Variants in PCDHGA7 observed in about 807,000 individuals in gnomAD.
PCDHGA7 encodes the protein protocadherin gamma subfamily A, 7.
In PCDHGA7, 44 loss-of-function variants were observed where a neutral mutation model predicts 58.3. That is an observed-to-expected ratio of 0.75 (90% CI 0.59 to 0.97). The LOEUF (loss-of-function observed/expected upper bound fraction) is 0.97. Ranked by LOEUF, PCDHGA7 falls within the 50% of genes least tolerant of loss-of-function variation. PCDHGA7 has a pLI of 0.00. For missense variants in PCDHGA7, 1,266 were observed against 1,188.7 expected (o/e 1.06, Z -0.96); for synonymous variants, 516 against 504.2 (o/e 1.02, Z -0.31).
intron 2 of PCDHGA7, 37 bp downstream of exon 2, chr5:141,494,902 C>T (rs2099757367): frequency 1.9e-6 from 3 of 1,614,024 alleles, no homozygotes; most frequent in Non-Finnish European, 2.5e-6. Flanking sequence ...CTCTTCTCTG[C>T]GGCATTTTCT....
chr5:141,487,643 C>T lies in PCDHGA7; in HGVS notation c.2425-7164C>T. 1.2e-6 allele frequency: 2 copies of T among 1,614,104 alleles called. No homozygotes were observed. The highest frequency in any genetic ancestry group is 1.7e-6 in the Non-Finnish European group (2 of 1,179,986). Reference sequence around the variant, plus strand: ...GAGACCTTTGCAGGCTCAACAAATGCTTGAGGGTTATTCTGATCCAGGCAT... The same window carrying T: ...GAGACCTTTGCAGGCTCAACAAATGTTTGAGGGTTATTCTGATCCAGGCAT... On this transcript the variant is annotated intron_variant, in intron 1 of 3. Transcript: ENST00000518325. The surrounding 1 kb of genome is among the most constrained non-coding windows in gnomAD (Gnocchi z 5.0).
chr5:141,385,316 G>T lies in PCDHGA7; in HGVS notation c.2417G>T (p.Ser806Ile). 2 of 1,610,350 alleles carry T rather than the reference G, an allele frequency of 1.2e-6. No homozygotes were observed. Among genetic ancestry groups the T allele is most frequent in the Non-Finnish European group, 1.7e-6 (2 of 1,177,750 alleles). Residue 806 changes from serine (S) to isoleucine (I), a missense_variant, in exon 1 of 4, where the codon AGT becomes ATT. Coordinates refer to ENST00000518325, the MANE Select transcript of PCDHGA7 (RefSeq NM_018920.4). ...CAGGAATGTAAAGAAAACCTGCCAA[G>T]TATTCAGGTGAGCCCAGCCCTTCCT... is the stretch of plus-strand genomic sequence containing the variant. Reference protein sequence around the residue: ...DFQECKENLPSIQQAPPNTDW... With the variant: ...DFQECKENLPIIQQAPPNTDW...
chr5:141,420,336 T>C, intron 1 of PCDHGA7: 1 of 1,399,186 alleles, frequency 7.1e-7, no homozygotes, highest in East Asian at 2.5e-5. Flanking sequence ...TATTCCAATA[T>C]AGTGGTATTA....
chr5:141,490,454 C>T lies in PCDHGA7; in HGVS notation c.2425-4353C>T. The T allele has an allele frequency of 3.1e-6, 5 of 1,614,176 alleles. No homozygotes were observed. The highest frequency in any genetic ancestry group is 4.2e-6 in the Non-Finnish European group (5 of 1,180,020). On this transcript the variant is annotated intron_variant, in intron 1 of 3. Transcript: ENST00000518325. The surrounding 1 kb of genome is among the most constrained non-coding windows in gnomAD (Gnocchi z 5.4). The stretch of plus-strand genomic sequence containing the variant: ...ATTAAGCCTTCTGAGAACCACTACT[C>T]GCTGCTAACCAGCCAGCCTTTGGAC...
chr5:141,430,477 A>G (rs1329218924), intron 1 of PCDHGA7: 1 of 244,524 alleles, frequency 4.1e-6, no homozygotes, highest in Non-Finnish European at 7.7e-6. Context: ...TATTTAAGAT[A>G]TAAAAACGAA....
rs61612330 is a variant in PCDHGA7, at chr5:141,454,796, A to ATTTTTTTTTTTTTTTTTTTTTTT, written c.2425-40004_2425-39982dup. Among the ~76,000 whole-genome samples, 6 of 77,456 alleles carry ATTTTTTTTTTTTTTTTTTTTTTT rather than the reference A, an allele frequency of 7.7e-5. 1 individual carries two copies. The highest frequency in any genetic ancestry group is 8.0e-4 in the East Asian group (2 of 2,512). 50.8% of individuals were successfully genotyped at this position (77,456 alleles called of 152,430 possible). Reference sequence around the variant, plus strand: ...AAGGAAATAATCCTCCATGGTTCTAATTTTTTTTTTTTTTTTTTTTTTTTT... The same window carrying ATTTTTTTTTTTTTTTTTTTTTTT: ...AAGGAAATAATCCTCCATGGTTCTAATTTTTTTTTTTTTTTTTTTTTTTTTTTTTTTTTTTTTTTTTTTTTTTT... On this transcript the variant is annotated intron_variant, in intron 1 of 3. Transcript: ENST00000518325.
intron 1 of PCDHGA7, chr5:141,417,266 T>C (rs2096102700): frequency 6.6e-6 from 1 of 152,184 alleles, no homozygotes; most frequent in Non-Finnish European, 1.5e-5. Context: ...CATAGATAAT[T>C]ACTCTTAAAA....
At chr5:141,404,532 A>G in intron 1 of PCDHGA7, 1 of 1,613,918 alleles carries the variant, frequency 6.2e-7, no homozygotes, top group Non-Finnish European at 8.5e-7. Context: ...CAGTTTAGAG[A>G]TTTGCAAATG....
chr5:141,460,961 ATGTGTGTG>A (rs35821115), intron 1 of PCDHGA7, among the ~76,000 whole-genome samples: 11 of 144,552 alleles, frequency 7.6e-5, no homozygotes, highest in South Asian at 2.2e-4. Context: ...GTATATATAT[ATGTGTGTG>A]TGTGTGTGTG....
intron 1 of PCDHGA7, chr5:141,421,347 C>G: frequency 6.2e-7 from 1 of 1,613,948 alleles, no homozygotes; most frequent in Non-Finnish European, 8.5e-7. Flanking sequence ...CAGAAGAGAC[C>G]GAAAAGGGCT....
rs773763605 is a variant in PCDHGA7, at chr5:141,476,631, A to G, written c.2425-18176A>G. On this transcript the variant is annotated intron_variant, in intron 1 of 3. Transcript: ENST00000518325. The surrounding 1 kb of genome is among the most constrained non-coding windows in gnomAD (Gnocchi z 7.6). ...GTGGGAAGCAACTCTTTACAAACCT[A>G]TGAGCTGAGCCGAAATGAATACTTT... The G allele has an allele frequency of 2.5e-6, 4 of 1,614,224 alleles. No individual in the cohort carries two copies. Among genetic ancestry groups the G allele is most frequent in the Admixed American group, 1.7e-5 (1 of 60,032 alleles).
Position 141,477,609 on chromosome 5 carries a change from A to T in PCDHGA7, c.2425-17198A>T, listed in dbSNP as rs775454070. The T allele has an allele frequency of 6.2e-7, 1 of 1,614,192 alleles. No homozygotes were observed. The highest frequency in any genetic ancestry group is 1.1e-5 in the South Asian group (1 of 91,082). ...GCTCGGCTTTCTTTCTTTCTCTTGG[A>T]GCAAGGAGCTGAAACCGGGCTAGTG... On this transcript the variant is annotated intron_variant, in intron 1 of 3. Transcript: ENST00000518325. The surrounding 1 kb of genome is among the most constrained non-coding windows in gnomAD (Gnocchi z 4.9).
At position 141,415,266 on chromosome 5, in the gene PCDHGA7, G is replaced by C. The variant is rs371754316; in HGVS notation, c.2424+29943G>C. 49 of 1,614,100 alleles carry C rather than the reference G, an allele frequency of 3.0e-5. No individual in the cohort carries two copies. The African/African-American group carries it at 6.4e-4, about 21-fold the overall frequency. On this transcript the variant is annotated intron_variant, in intron 1 of 3. Transcript: ENST00000518325. ...AAACCTCAGACCTCACTCTGTACCT[G>C]GTGGTAGCGGTGGCCGCGGTCTCCT...
intron 1 of PCDHGA7, chr5:141,394,390 G>A (rs758609540): frequency 2.5e-6 from 4 of 1,614,100 alleles, no homozygotes; most frequent in South Asian, 2.2e-5. Flanking sequence ...GAGCAGATCC[G>A]AGACCTGCAG....
chr5:141,454,567 C>G (rs572130062), intron 1 of PCDHGA7, among the ~76,000 whole-genome samples: 1 of 150,856 alleles, frequency 6.6e-6, no homozygotes, highest in Non-Finnish European at 1.5e-5. Flanking sequence ...CCACCACGCC[C>G]GGCTAATTTT....
intron 1 of PCDHGA7, among the ~76,000 whole-genome samples, chr5:141,483,393 C>T (rs1475344614): frequency 6.6e-6 from 1 of 152,080 alleles, no homozygotes; most frequent in Admixed American, 6.5e-5. Flanking sequence ...TTGATAAATG[C>T]TTGAACCAGC....
At chr5:141,465,522 G>A (rs1416012695) in intron 1 of PCDHGA7, among the ~76,000 whole-genome samples, 1 of 152,112 alleles carries the variant, frequency 6.6e-6, no homozygotes, top group Non-Finnish European at 1.5e-5. Context: ...AGGATTCTGG[G>A]GAAGTTTTCC....
At chr5:141,403,582 G>T in intron 1 of PCDHGA7, 1 of 1,613,910 alleles carries the variant, frequency 6.2e-7, no homozygotes. Context: ...CCCACCACCT[G>T]GTCCTCACGG....
intron 1 of PCDHGA7, among the ~76,000 whole-genome samples, chr5:141,465,545 C>T (rs2099105349): frequency 6.6e-6 from 1 of 152,146 alleles, no homozygotes; most frequent in South Asian, 2.1e-4. Context: ...GGCATTTTTT[C>T]TGCTGAAGCT....
Sources: gnomAD v4.1 joint callset for allele counts (sites outside exome capture counted in the v4.1 genomes callset) on GRCh38, gnomAD v4.1.1 for gene constraint, Gnocchi (gnomAD v3.1) non-coding constraint, MANE v1.5 for transcripts, NCBI Gene and HGNC (gene_info 2026-07-23, HGNC 2026-07-21) for gene names.